The following GABRA2 variants were observed in gnomAD, a reference collection of about 807,000 sequenced individuals.
GABRA2 encodes the protein gamma-aminobutyric acid receptor subunit alpha-2.
A neutral mutation model predicts 48.7 loss-of-function variants in GABRA2; 16 were observed. The observed-to-expected ratio is 0.33, with a 90% CI of 0.22 to 0.50. The LOEUF (loss-of-function observed/expected upper bound fraction) is 0.50. Ranked by LOEUF, GABRA2 falls within the 20% of genes least tolerant of loss-of-function variation. The pLI is 0.98. For missense variants in GABRA2, 275 were observed against 535.6 expected, an observed-to-expected ratio of 0.51 and a Z score of 4.80; for synonymous variants, 185 against 184.5, an observed-to-expected ratio of 1.00 and a Z score of -0.02.
At chr4:46,338,145 T>G (rs1355766002) in intron 3 of GABRA2, among the ~76,000 whole-genome samples, 1 of 151,906 alleles carries the variant, frequency 6.6e-6, no homozygotes, top group Non-Finnish European at 1.5e-5. Flanking sequence ...TAATAGTACA[T>G]GTAGAGTTGA....
intron 7 of GABRA2, 69 bp downstream of exon 7, chr4:46,305,499 A>T: frequency 7.1e-7 from 1 of 1,409,958 alleles, no homozygotes; most frequent in Admixed American, 2.0e-5. Context: ...GCAATCTGAC[A>T]CACTTCCAAG....
At chr4:46,296,506 C>A (rs1453891296) in intron 8 of GABRA2, among the ~76,000 whole-genome samples, 1 of 152,002 alleles carries the variant, frequency 6.6e-6, no homozygotes, top group African/African-American at 2.4e-5. Context: ...TAAGGAAGAG[C>A]ATGCATGTAA....
rs1169646634 is a variant in GABRA2 at position 46,249,070 on chromosome 4, G to T, written c.*1238C>A. 2 of 148,270 alleles carry T rather than the reference G, an allele frequency of 1.3e-5. No homozygotes were observed. Among genetic ancestry groups the T allele is most frequent in the Non-Finnish European group, 3.0e-5 (2 of 67,474 alleles). 9.2% of individuals were successfully genotyped at this position (148,270 alleles called of 1,614,324 possible). A position where few individuals can be genotyped will look rare whatever the true frequency, so the allele number is the denominator to read the frequency against. Reference sequence around the variant, plus strand: ...TGTGTGTGTGTGTGTGTATGTTTGTGCACGTGAAATAATCCACAATCTATT... The same window carrying T: ...TGTGTGTGTGTGTGTGTATGTTTGTTCACGTGAAATAATCCACAATCTATT... On this transcript the variant is annotated 3_prime_UTR_variant, in exon 10 of 10. Transcript: ENST00000381620.
At chr4:46,318,493 C>A (rs555491603) in intron 4 of GABRA2, among the ~76,000 whole-genome samples, 1 of 151,452 alleles carries the variant, frequency 6.6e-6, no homozygotes, top group Admixed American at 6.6e-5. Context: ...TCATGTGATT[C>A]CCTTAAATGC....
chr4:46,371,160 T>C (rs2109999753), intron 3 of GABRA2, among the ~76,000 whole-genome samples: 1 of 152,300 alleles, frequency 6.6e-6, no homozygotes, highest in East Asian at 1.9e-4. Context: ...TTAGCAAGTC[T>C]GTAAAATTAA....
intron 4 of GABRA2, among the ~76,000 whole-genome samples, chr4:46,331,906 A>G: frequency 6.6e-6 from 1 of 152,178 alleles, no homozygotes; most frequent in Admixed American, 6.5e-5. Flanking sequence ...ATTTTTGGGT[A>G]AACATGGGGT....
At chr4:46,365,621 C>T (rs577640570) in intron 3 of GABRA2, 2 of 152,154 alleles carry the variant, frequency 1.3e-5, no homozygotes, top group South Asian at 4.1e-4. Context: ...CTCTTTGTAA[C>T]CTTGCTATAA....
rs916331512 is a variant in GABRA2 at position 46,244,802 on chromosome 4, A to C, written c.*5506T>G. On this transcript the variant is annotated 3_prime_UTR_variant, in exon 10 of 10. Transcript: ENST00000381620. ...AAGAAAACTGCAATATATTCCCAGAAACTAAATTGTACCAAAGAAGTTAGT... is the reference window on the plus strand; with the variant it reads ...AAGAAAACTGCAATATATTCCCAGACACTAAATTGTACCAAAGAAGTTAGT... Among the ~76,000 whole-genome samples, 1 of 151,452 alleles carries C rather than the reference A, an allele frequency of 6.6e-6. No homozygotes were observed. Among genetic ancestry groups the C allele is most frequent in the Non-Finnish European group, 1.5e-5 (1 of 67,568 alleles).
Position 46,245,099 on chromosome 4 carries a change from A to G in GABRA2, c.*5209T>C, listed in dbSNP as rs891488821. Among the ~76,000 whole-genome samples the G allele has an allele frequency of 3.3e-5, 5 of 151,274 alleles. No homozygotes were observed. Among genetic ancestry groups the G allele is most frequent in the African/African-American group, 9.7e-5 (4 of 41,342 alleles). On this transcript the variant is annotated 3_prime_UTR_variant, in exon 10 of 10. Coordinates refer to ENST00000381620, the MANE Select transcript of GABRA2 (RefSeq NM_000807.4). ...ATGTAAACTGGTATGTTGGTGTACTATATAGAAATCCTAGATTTCCAGAGC... is the reference window on the plus strand; with the variant it reads ...ATGTAAACTGGTATGTTGGTGTACTGTATAGAAATCCTAGATTTCCAGAGC...
intron 8 of GABRA2, among the ~76,000 whole-genome samples, chr4:46,298,596 A>G (rs1725176227): frequency 1.3e-5 from 2 of 151,982 alleles, no homozygotes; most frequent in Non-Finnish European, 2.9e-5. Context: ...TTTATTTATC[A>G]TATATTTTAT....
chr4:46,307,383 A>G (rs902808970), intron 6 of GABRA2, among the ~76,000 whole-genome samples: 3 of 151,622 alleles, frequency 2.0e-5, no homozygotes, highest in African/African-American at 7.3e-5. Context: ...ACATCAAATG[A>G]TCTACTTTAC....
At chr4:46,290,117 C>T (rs1183328253) in intron 8 of GABRA2, among the ~76,000 whole-genome samples, 1 of 150,414 alleles carries the variant, frequency 6.6e-6, no homozygotes, top group Non-Finnish European at 1.5e-5. Context: ...GGGGTTTCAC[C>T]ATGGTCTTGA....
chr4:46,350,496 TATATAC>T, intron 3 of GABRA2, among the ~76,000 whole-genome samples: 1 of 151,862 alleles, frequency 6.6e-6, no homozygotes, highest in Non-Finnish European at 1.5e-5. Flanking sequence ...TATTTGTATA[TATATAC>T]ACATACATAC....
In GABRA2 at chr4:46,244,136, G is replaced by A. The variant is rs1435484534; in HGVS notation, c.*6172C>T. ...CTGTGGATGGTAAAGTTTAATTCAT[G>A]AGAATTGTGGCTCAATAATTGAGTT... On this transcript the variant is annotated 3_prime_UTR_variant, in exon 10 of 10. Coordinates refer to ENST00000381620, the MANE Select transcript of GABRA2 (RefSeq NM_000807.4). 1 of 151,540 alleles carries A rather than the reference G, an allele frequency of 6.6e-6. No homozygotes were observed. The highest frequency in any genetic ancestry group is 1.5e-5 in the Non-Finnish European group (1 of 67,652). 9.4% of individuals were successfully genotyped at this position (151,540 alleles called of 1,614,324 possible). A position where few individuals can be genotyped will look rare whatever the true frequency, so the allele number is the denominator to read the frequency against.
At chr4:46,254,320 G>C (rs1408991258) in intron 9 of GABRA2, among the ~76,000 whole-genome samples, 1 of 151,430 alleles carries the variant, frequency 6.6e-6, no homozygotes, top group Non-Finnish European at 1.5e-5. Context: ...CTTACACTCA[G>C]AACCTGAAGA....
chr4:46,308,409 G>A (rs1003699348), intron 6 of GABRA2, among the ~76,000 whole-genome samples: 4 of 152,080 alleles, frequency 2.6e-5, no homozygotes, highest in Admixed American at 1.3e-4. Context: ...GGGCTTTCAA[G>A]TAAGGAAGGA....
intron 3 of GABRA2, among the ~76,000 whole-genome samples, chr4:46,376,645 G>A (rs914415225): frequency 6.6e-6 from 1 of 152,102 alleles, no homozygotes; most frequent in South Asian, 2.1e-4. Flanking sequence ...CCAGCACTTT[G>A]GGAGGCCAAA....
intron 3 of GABRA2, among the ~76,000 whole-genome samples, chr4:46,354,253 T>A (rs896670184): frequency 3.3e-5 from 5 of 152,160 alleles, no homozygotes; most frequent in African/African-American, 1.2e-4. Flanking sequence ...TATCCAGCTC[T>A]AAAGCTTGGA....
chr4:46,265,503 T>C (rs3114959), intron 8 of GABRA2, among the ~76,000 whole-genome samples: 77,026 of 139,664 alleles, frequency 0.55, 21,960 homozygotes, highest in South Asian at 0.76. Flanking sequence ...TATATATATA[T>C]GTTTTCTCTA....
Sources: allele counts gnomAD v4.1 joint callset (sites outside exome capture counted in the v4.1 genomes callset), GRCh38; gene constraint gnomAD v4.1.1; transcripts MANE v1.5; gene names NCBI Gene and HGNC (gene_info 2026-07-23, HGNC 2026-07-21).